ANKRD30B: variants seen among roughly 807,000 people sequenced by gnomAD.
ANKRD30B encodes the protein ankyrin repeat domain-containing protein 30B.
A neutral mutation model predicts 202.2 loss-of-function variants in ANKRD30B; 144 were observed. The ratio of observed to expected loss-of-function variants is 0.71; its 90% confidence interval spans 0.62 to 0.82. The LOEUF is 0.82. ANKRD30B is among the 40% of genes least tolerant of loss of function. ANKRD30B has a pLI of 0.00. For synonymous variants in ANKRD30B, 508 were observed against 561.3 expected (o/e 0.91, Z 1.34); for missense variants, 1,487 against 1,669.1 (o/e 0.89, Z 1.90).
chr18:14,780,780 G>A (rs148002831), intron 11 of ANKRD30B, among the ~76,000 whole-genome samples: 3 of 65,468 alleles, frequency 4.6e-5, no homozygotes, highest in East Asian at 4.1e-4. Flanking sequence ...ATTGACATAC[G>A]TGTATTGTCC....
intron 40 of ANKRD30B, among the ~76,000 whole-genome samples, chr18:14,849,551 G>A (rs1418383222): frequency 6.6e-6 from 1 of 151,454 alleles, no homozygotes; most frequent in Non-Finnish European, 1.5e-5. Context: ...TTAATTCAGA[G>A]TTCTAGGTTA....
At chr18:14,815,282 C>T (rs1193426575) in intron 30 of ANKRD30B, among the ~76,000 whole-genome samples, 5 of 133,434 alleles carry the variant, frequency 3.7e-5, no homozygotes, top group South Asian at 2.7e-4. Context: ...CATATATGCA[C>T]GGCCACACAT....
chr18:14,760,550 A>T lies in ANKRD30B; in HGVS notation c.756-4A>T. The T allele has an allele frequency of 7.0e-7, 1 of 1,427,212 alleles. No homozygotes were observed. The highest frequency in any genetic ancestry group is 9.5e-7 in the Non-Finnish European group (1 of 1,048,762). The allele number at this position is 1,427,212 out of a possible 1,614,324, so 88.4% of individuals were successfully genotyped here. ...AATTTTATTTATTACATTTTTATACATAGCATTCATCAACAACTTTTGGAA... is the reference window on the plus strand; with the variant it reads ...AATTTTATTTATTACATTTTTATACTTAGCATTCATCAACAACTTTTGGAA... On this transcript the variant is annotated splice_polypyrimidine_tract_variant and splice_region_variant and intron_variant, in intron 5 of 43. Coordinates refer to ENST00000690538, the MANE Select transcript of ANKRD30B (RefSeq NM_001367607.2).
At chr18:14,815,882 T>C (rs994096616) in intron 30 of ANKRD30B, among the ~76,000 whole-genome samples, 3 of 152,174 alleles carry the variant, frequency 2.0e-5, no homozygotes, top group Admixed American at 6.5e-5. Flanking sequence ...AGCTACAAAG[T>C]ACAAAAATGT....
At chr18:14,837,588 T>C (rs1338534547) in intron 35 of ANKRD30B, 27 bp from the exon 36 acceptor site, 3 of 1,470,294 alleles carry the variant, frequency 2.0e-6, no homozygotes, top group Non-Finnish European at 2.8e-6. Context: ...CATTCTCATA[T>C]ACATGTCTGT....
the ANKRD30B span, among the ~76,000 whole-genome samples, chr18:14,872,246 T>C: frequency 1.3e-5 from 2 of 152,170 alleles, no homozygotes; most frequent in South Asian, 4.1e-4. Context: ...TCTCACAACA[T>C]TGGAAAGAGA....
chr18:14,929,179 G>C, the ANKRD30B span, among the ~76,000 whole-genome samples: 1 of 152,158 alleles, frequency 6.6e-6, no homozygotes, highest in South Asian at 2.1e-4. Context: ...TAGAGGAGTC[G>C]TGTGCCTCCA....
chr18:14,792,121 T>G (rs1240532749), intron 16 of ANKRD30B, among the ~76,000 whole-genome samples: 2 of 152,188 alleles, frequency 1.3e-5, no homozygotes, highest in Non-Finnish European at 2.9e-5. Flanking sequence ...TTTTCAAACT[T>G]TAGAAAACCG....
At chr18:14,782,015 A>T (rs1967780463) in intron 11 of ANKRD30B, among the ~76,000 whole-genome samples, 2 of 152,228 alleles carry the variant, frequency 1.3e-5, no homozygotes, top group South Asian at 4.1e-4. Context: ...GTTTAACGAA[A>T]GGTAAAGATC....
chr18:14,906,644 A>G, the ANKRD30B span, among the ~76,000 whole-genome samples: 1 of 152,140 alleles, frequency 6.6e-6, no homozygotes, highest in Non-Finnish European at 1.5e-5. Context: ...ACACTTCTCC[A>G]GCTCCATTGC....
the ANKRD30B span, among the ~76,000 whole-genome samples, chr18:14,907,453 T>TG: frequency 6.6e-6 from 1 of 152,166 alleles, no homozygotes; most frequent in African/African-American, 2.4e-5. Flanking sequence ...TGTCAGGCCC[T>TG]GGGCAGTGAT....
At chr18:14,925,833 G>C in the ANKRD30B span, among the ~76,000 whole-genome samples, 1 of 152,182 alleles carries the variant, frequency 6.6e-6, no homozygotes, top group Non-Finnish European at 1.5e-5. Flanking sequence ...TTGAAGAGGA[G>C]CCTGGAACTG....
At chr18:14,876,097 A>T in the ANKRD30B span, among the ~76,000 whole-genome samples, 1 of 152,066 alleles carries the variant, frequency 6.6e-6, no homozygotes, top group Non-Finnish European at 1.5e-5. Flanking sequence ...GAGAATCCTA[A>T]AAAGGAACAG....
chr18:14,765,166 A>G (rs1313082219), intron 7 of ANKRD30B, among the ~76,000 whole-genome samples: 1 of 152,162 alleles, frequency 6.6e-6, no homozygotes. Flanking sequence ...GCCAGATAGG[A>G]AATATGTTAG....
At chr18:14,756,317 T>A (rs558673793) in intron 4 of ANKRD30B, among the ~76,000 whole-genome samples, 2 of 152,186 alleles carry the variant, frequency 1.3e-5, no homozygotes, top group Non-Finnish European at 1.5e-5. Flanking sequence ...CTTTGTTAGA[T>A]GAGTAGGTTG....
At chr18:14,752,392 A>G (rs1478797051) in intron 1 of ANKRD30B, among the ~76,000 whole-genome samples, 174 bp from the exon 2 acceptor site, 1 of 152,226 alleles carries the variant, frequency 6.6e-6, no homozygotes. Flanking sequence ...CCACTCTTTC[A>G]TTAATGCGGT....
the ANKRD30B span, among the ~76,000 whole-genome samples, chr18:14,934,908 C>CCACACACACACA: frequency 5.3e-4 from 71 of 134,684 alleles, no homozygotes; most frequent in East Asian, 2.0e-3. Context: ...CCTCCCTCTA[C>CCACACACACACA]CACACACACA....
At chr18:14,886,393 C>T in the ANKRD30B span, among the ~76,000 whole-genome samples, 1 of 151,768 alleles carries the variant, frequency 6.6e-6, no homozygotes, top group East Asian at 1.9e-4. Context: ...ATTTTATTTT[C>T]TAAAATTTGC....
chr18:14,789,712 A>G (rs1421308107), intron 15 of ANKRD30B, among the ~76,000 whole-genome samples: 53 of 152,108 alleles, frequency 3.5e-4, no homozygotes, highest in Admixed American at 7.2e-4. Context: ...GATATGCACC[A>G]TTATTTCTGA....
Sources: gnomAD v4.1 joint callset for allele counts (sites outside exome capture counted in the v4.1 genomes callset) on GRCh38, gnomAD v4.1.1 for gene constraint, MANE v1.5 for transcripts, NCBI Gene and HGNC (gene_info 2026-07-23, HGNC 2026-07-21) for gene names.